Variants in BICD1 observed in about 807,000 individuals in gnomAD.
BICD1 encodes the protein protein bicaudal D homolog 1.
A neutral mutation model predicts 92.5 loss-of-function variants in BICD1; 35 were observed. That is an observed-to-expected ratio of 0.38 (90% CI 0.29 to 0.50). The LOEUF (loss-of-function observed/expected upper bound fraction) is 0.50, where lower values mean the gene tolerates loss of function less well. Ranked by LOEUF, BICD1 falls within the 20% of genes least tolerant of loss-of-function variation. BICD1 has a pLI of 0.93. For missense variants in BICD1, 950 were observed against 1,189.8 expected (o/e 0.80, Z 2.97); for synonymous variants, 429 against 465.1 (o/e 0.92, Z 1.00).
intron 9 of BICD1, 25 bp downstream of exon 9, chr12:32,367,770 C>G: frequency 1.9e-6 from 3 of 1,597,982 alleles, no homozygotes; most frequent in Non-Finnish European, 2.6e-6. Context: ...CCTTTCCCTT[C>G]CACCCAGCTG....
chr12:32,107,425 A>G lies in BICD1; in HGVS notation c.94A>G (p.Ile32Val). Residue 32 changes from isoleucine to valine, a missense_variant, in exon 1 of 10, where the codon ATC becomes GTC. By Grantham distance (29) the Ile-to-Val change is conservative (BLOSUM62 3). Around this residue, in one of 5 missense-constraint regions of BICD1, gnomAD observed 202 missense variants for 205.3 expected, o/e 0.98. Transcript: ENST00000652176. ...KELTETTHEK[I>V]QAAEYGLVVL... is the part of the protein sequence containing the mutation. ...GCTCACGGAGACCACCCACGAGAAG[A>G]TCCAGGCTGCCGAGTACGGGCTGGT... is the stretch of plus-strand genomic sequence containing the variant. The G allele has an allele frequency of 1.9e-6, 3 of 1,612,360 alleles. No homozygotes were observed. Among genetic ancestry groups the G allele is most frequent in the Non-Finnish European group, 2.5e-6 (3 of 1,179,394 alleles).
rs532640084 is a variant in BICD1 at position 32,176,485 on chromosome 12, G to A, written c.214-39762G>A. 8.1e-4 allele frequency among the ~76,000 whole-genome samples: 123 copies of A among 152,272 alleles called. 4 individuals carry two copies. The South Asian group carries it at 0.024, about 30-fold the overall frequency. On this transcript the variant is annotated intron_variant, in intron 1 of 9. Transcript: ENST00000652176. ...ACAGTTCAATTATTTTTGGACACATGTATACATGCATGTATACAACCACTG... is the reference window on the plus strand; with the variant it reads ...ACAGTTCAATTATTTTTGGACACATATATACATGCATGTATACAACCACTG...
intron 8 of BICD1, 64 bp from the exon 9 acceptor site, chr12:32,367,606 C>T: frequency 4.1e-6 from 6 of 1,473,912 alleles, no homozygotes; most frequent in Non-Finnish European, 4.7e-6. Context: ...GCTTTAGTCA[C>T]TGTTACTAAC....
At chr12:32,360,631 A>T (rs1171249908) in intron 8 of BICD1, among the ~76,000 whole-genome samples, 2 of 151,496 alleles carry the variant, frequency 1.3e-5, no homozygotes, top group East Asian at 1.9e-4. Flanking sequence ...TTAACCAGGC[A>T]TTTTTTTTTA....
chr12:32,348,094 G>A (rs558042697), intron 8 of BICD1, among the ~76,000 whole-genome samples: 1 of 152,198 alleles, frequency 6.6e-6, no homozygotes, highest in Admixed American at 6.5e-5. Flanking sequence ...GGTCCTATTC[G>A]TGTTTTTATT....
At chr12:32,160,852 A>G (rs1943578059) in intron 1 of BICD1, among the ~76,000 whole-genome samples, 1 of 152,250 alleles carries the variant, frequency 6.6e-6, no homozygotes. Flanking sequence ...TTAAAACTTA[A>G]CACATGAAGG....
At chr12:32,264,885 C>T (rs1278002365) in intron 2 of BICD1, among the ~76,000 whole-genome samples, 1 of 152,152 alleles carries the variant, frequency 6.6e-6, no homozygotes, top group Non-Finnish European at 1.5e-5. Context: ...AGACCTTGTC[C>T]TGTTTCTTTG....
At chr12:32,207,340 A>G (rs974891626) in intron 1 of BICD1, among the ~76,000 whole-genome samples, 1 of 152,262 alleles carries the variant, frequency 6.6e-6, no homozygotes, top group African/African-American at 2.4e-5. Flanking sequence ...TTAAGTAAAT[A>G]TAAATCTAAG....
At chr12:32,191,126 T>C (rs946526108) in intron 1 of BICD1, among the ~76,000 whole-genome samples, 6 of 152,064 alleles carry the variant, frequency 3.9e-5, no homozygotes, top group Non-Finnish European at 5.9e-5. Flanking sequence ...AAGGCCTACA[T>C]TCGGAAGAAA....
chr12:32,156,032 A>G (rs1943426834), intron 1 of BICD1, among the ~76,000 whole-genome samples: 1 of 152,200 alleles, frequency 6.6e-6, no homozygotes, highest in South Asian at 2.1e-4. Flanking sequence ...TGAGGTCTTG[A>G]AATAGCCCTG....
At chr12:32,364,774 G>A (rs1000687945) in intron 8 of BICD1, among the ~76,000 whole-genome samples, 10 of 151,316 alleles carry the variant, frequency 6.6e-5, no homozygotes, top group African/African-American at 1.7e-4. Flanking sequence ...AAAATAGCTA[G>A]AACCTGTCTC....
intron 2 of BICD1, among the ~76,000 whole-genome samples, chr12:32,254,418 T>G (rs1946664051): frequency 6.6e-6 from 1 of 152,220 alleles, no homozygotes; most frequent in Admixed American, 6.5e-5. Flanking sequence ...GCTTCCAGAG[T>G]AGGCTCTAGC....
chr12:32,146,259 A>G (rs1437287294), intron 1 of BICD1, among the ~76,000 whole-genome samples: 2 of 152,226 alleles, frequency 1.3e-5, no homozygotes, highest in Non-Finnish European at 2.9e-5. Context: ...ATGTTAGCCA[A>G]TAGTGCCTCA....
intron 2 of BICD1, among the ~76,000 whole-genome samples, chr12:32,245,658 G>A (rs1336944526): frequency 6.6e-6 from 1 of 151,366 alleles, no homozygotes; most frequent in Non-Finnish European, 1.5e-5. Flanking sequence ...GCAATATAGT[G>A]TTACTTTGAG....
chr12:32,259,730 A>G (rs1200910415), intron 2 of BICD1, among the ~76,000 whole-genome samples: 1 of 152,206 alleles, frequency 6.6e-6, no homozygotes, highest in Non-Finnish European at 1.5e-5. Context: ...TCAGATGTCC[A>G]AGACTGATGT....
intron 1 of BICD1, among the ~76,000 whole-genome samples, chr12:32,134,429 A>G (rs1279527182): frequency 6.6e-6 from 1 of 152,226 alleles, no homozygotes; most frequent in Admixed American, 6.5e-5. Flanking sequence ...TGTTCTAGGT[A>G]AAGTGGTCCA....
chr12:32,126,708 G>T (rs1354225491), intron 1 of BICD1, among the ~76,000 whole-genome samples: 2 of 151,956 alleles, frequency 1.3e-5, no homozygotes, highest in Non-Finnish European at 1.5e-5. Flanking sequence ...AGTGAGCCGA[G>T]ATCAGATCAC....
At chr12:32,357,031 G>A (rs995128865) in intron 8 of BICD1, among the ~76,000 whole-genome samples, 1 of 41,470 alleles carries the variant, frequency 2.4e-5, no homozygotes, top group Non-Finnish European at 5.3e-5. Flanking sequence ...TTTTTTTTTT[G>A]ATGGAGTTTC....
intron 3 of BICD1, among the ~76,000 whole-genome samples, chr12:32,296,293 C>T (rs1457743647): frequency 1.5e-5 from 2 of 135,854 alleles, no homozygotes; most frequent in African/African-American, 5.6e-5. Context: ...GAGTCTCGCT[C>T]CGTCACCAGG....
Sources: gnomAD v4.1 joint callset for allele counts (sites outside exome capture counted in the v4.1 genomes callset) on GRCh38, gnomAD v4.1.1 for gene constraint, gnomAD v4.1.1 regional missense constraint, MANE v1.5 for transcripts, NCBI Gene and HGNC (gene_info 2026-07-23, HGNC 2026-07-21) for gene names.